Variants in ZNF280B observed in about 807,000 individuals in gnomAD.
ZNF280B encodes the protein zinc finger protein 280B, also known as suppressor of hairy wing homolog 2.
ZNF280B carries 16 observed loss-of-function variants against 38.0 expected under a neutral mutation model. That is an observed-to-expected ratio of 0.42 (90% CI 0.28 to 0.64). The LOEUF (loss-of-function observed/expected upper bound fraction) is 0.64. Ranked by LOEUF, ZNF280B falls within the 30% of genes least tolerant of loss-of-function variation. ZNF280B has a pLI of 0.21. For missense variants in ZNF280B, 581 were observed against 639.6 expected (o/e 0.91, Z 0.99); for synonymous variants, 253 against 230.6 (o/e 1.10, Z -0.88).
intron 2 of ZNF280B, among the ~76,000 whole-genome samples, chr22:22,504,597 A>C (rs2061896624): frequency 6.6e-6 from 1 of 151,982 alleles, no homozygotes; most frequent in Non-Finnish European, 1.5e-5. Flanking sequence ...AGAAATTGTT[A>C]ATCTACAGAA....
At chr22:22,499,809 A>G in intron 2 of ZNF280B, among the ~76,000 whole-genome samples, 1 of 151,884 alleles carries the variant, frequency 6.6e-6, no homozygotes, top group East Asian at 2.0e-4. Flanking sequence ...AACCACTTCA[A>G]CTCAACACCG....
intron 2 of ZNF280B, among the ~76,000 whole-genome samples, chr22:22,497,420 A>G (rs2146811292): frequency 6.6e-6 from 1 of 151,526 alleles, no homozygotes; most frequent in East Asian, 2.0e-4. Context: ...AATCCCAGCT[A>G]CTTGGTAGGC....
chr22:22,504,442 A>C (rs2061893695), intron 2 of ZNF280B, among the ~76,000 whole-genome samples: 1 of 150,974 alleles, frequency 6.6e-6, no homozygotes, highest in Admixed American at 6.6e-5. Flanking sequence ...AAAAAAAAAC[A>C]AACAAACAAC....
At chr22:22,502,303 C>T (rs778647142) in intron 2 of ZNF280B, among the ~76,000 whole-genome samples, 33 of 152,032 alleles carry the variant, frequency 2.2e-4, no homozygotes, top group South Asian at 6.2e-4. Context: ...CAATCTCAAG[C>T]GTTGCAGAGG....
chr22:22,500,758 C>G (rs1257637995), intron 2 of ZNF280B, among the ~76,000 whole-genome samples: 3 of 151,790 alleles, frequency 2.0e-5, no homozygotes, highest in African/African-American at 7.3e-5. Context: ...ACTTGGGAGG[C>G]TGAGGCAGGA....
At position 22,505,369 on chromosome 22, in the gene ZNF280B, C is replaced by T. The variant is rs555314553; in HGVS notation, c.-187+2441G>A. On this transcript the variant is annotated intron_variant, in intron 2 of 3. Transcript: ENST00000626650. ...TCACCTGAGGTCAGAAGTTCGAGAC[C>T]GGCCTGGCCAACATGGTGAAACCCC... Among the ~76,000 whole-genome samples, 5 of 151,864 alleles carry T rather than the reference C, an allele frequency of 3.3e-5. No individual in the cohort carries two copies. The East Asian group carries it at 5.9e-4, about 18-fold the overall frequency.
At position 22,499,791 on chromosome 22, in the gene ZNF280B, T is replaced by C. The variant is rs963563289; in HGVS notation, c.-186-5611A>G. On this transcript the variant is annotated intron_variant, in intron 2 of 3. Transcript: ENST00000626650. ...CCTAAGATCAGGAACAAGACAGATA[T>C]CCACTTTAACCACTTCAACTCAACA... 7.9e-5 allele frequency among the ~76,000 whole-genome samples: 12 copies of C among 152,062 alleles called. 1 individual carries two copies. The highest frequency in any genetic ancestry group is 2.7e-4 in the African/African-American group (11 of 41,500).
At chr22:22,493,487 CTTTAAGAA>C (rs1469196965) in intron 3 of ZNF280B, among the ~76,000 whole-genome samples, 1 of 151,968 alleles carries the variant, frequency 6.6e-6, no homozygotes, top group East Asian at 2.0e-4. Context: ...ACTGCTTAGT[CTTTAAGAA>C]TTAAAGTGTC....
At chr22:22,490,603 GA>G (rs763349830) in intron 3 of ZNF280B, among the ~76,000 whole-genome samples, 59 of 151,938 alleles carry the variant, frequency 3.9e-4, no homozygotes, top group Non-Finnish European at 7.5e-4. Context: ...GAGTAGCTGG[GA>G]CTACAGGCAT....
intron 1 of ZNF280B, among the ~76,000 whole-genome samples, 190 bp from the exon 2 acceptor site, chr22:22,508,060 G>A (rs1448901928): frequency 1.3e-5 from 2 of 151,788 alleles, no homozygotes; most frequent in African/African-American, 4.8e-5. Context: ...CGTCCCACCC[G>A]CCAACTGCCC....
intron 2 of ZNF280B, among the ~76,000 whole-genome samples, chr22:22,505,056 TACTC>T (rs2061906519): frequency 6.6e-6 from 1 of 151,876 alleles, no homozygotes; most frequent in Non-Finnish European, 1.5e-5. Context: ...GGCAGGTTGA[TACTC>T]ACATAACATG....
intron 2 of ZNF280B, among the ~76,000 whole-genome samples, chr22:22,507,123 G>A (rs1381706592): frequency 1.3e-5 from 2 of 152,002 alleles, no homozygotes; most frequent in East Asian, 3.9e-4. Flanking sequence ...AGGAACTGAG[G>A]CCTCTTGCCA....
At chr22:22,490,664 C>T (rs919743407) in intron 3 of ZNF280B, among the ~76,000 whole-genome samples, 1 of 151,768 alleles carries the variant, frequency 6.6e-6, no homozygotes, top group Non-Finnish European at 1.5e-5. Context: ...GATCGGGTTT[C>T]ACCATGTTGA....
intron 2 of ZNF280B, among the ~76,000 whole-genome samples, chr22:22,503,134 A>C (rs11913522): frequency 0.012 from 1,757 of 152,018 alleles, 36 homozygotes; most frequent in African/African-American, 0.038. Flanking sequence ...TGTGAAACTT[A>C]TTTTAGACTT....
chr22:22,486,969 T>A lies in ZNF280B; in HGVS notation c.*798A>T, dbSNP rs1169870507. 6.6e-6 allele frequency: 1 copy of A among 152,032 alleles called. No homozygotes were observed. The highest frequency in any genetic ancestry group is 2.1e-4 in the South Asian group (1 of 4,816). The allele number at this position is 152,032 out of a possible 1,614,324, so 9.4% of individuals were successfully genotyped here. On this transcript the variant is annotated 3_prime_UTR_variant, in exon 4 of 4. Transcript: ENST00000626650. ...TATGCCAGCACAGCAGAGGCACTTC[T>A]GGGAATTCGGCAGCAAGTGGGCCAG...
Position 22,489,089 on chromosome 22 carries a change from C to T in ZNF280B, c.310G>A (p.Ala104Thr). 1 of 1,613,840 alleles carries T rather than the reference C, an allele frequency of 6.2e-7. No individual in the cohort carries two copies. Among genetic ancestry groups the T allele is most frequent in the Non-Finnish European group, 8.5e-7 (1 of 1,179,956 alleles). The change falls in exon 4 of 4, where the codon GCT becomes ACT. Residue 104 changes from alanine to threonine, a missense_variant. By Grantham distance (58) the Ala-to-Thr change is moderately conservative (BLOSUM62 0). Coordinates refer to ENST00000626650, the MANE Select transcript of ZNF280B (RefSeq NM_080764.4). ...GTTGATCTCGATTCAAGTTGGGAAG[C>T]TGGCAGGACGGTCACTGCTTCTGAT... The part of the protein sequence containing the change: ...VTSEAVTVLP[A>T]SQLESRSTDS...
At chr22:22,505,371 G>A (rs1445862140) in intron 2 of ZNF280B, among the ~76,000 whole-genome samples, 1 of 151,744 alleles carries the variant, frequency 6.6e-6, no homozygotes, top group Admixed American at 6.6e-5. Context: ...TTCGAGACCG[G>A]CCTGGCCAAC....
chr22:22,497,175 T>C (rs1175132191), intron 2 of ZNF280B, among the ~76,000 whole-genome samples: 1 of 118,710 alleles, frequency 8.4e-6, no homozygotes, highest in Non-Finnish European at 1.6e-5. Flanking sequence ...TTCCTTCCCT[T>C]CCTCCTATGA....
At chr22:22,505,194 G>A (rs1274961678) in intron 2 of ZNF280B, among the ~76,000 whole-genome samples, 1 of 151,936 alleles carries the variant, frequency 6.6e-6, no homozygotes, top group Admixed American at 6.6e-5. Context: ...CCAATGAAAA[G>A]AGTGACAAGT....
Sources: gnomAD v4.1 joint callset for allele counts (sites outside exome capture counted in the v4.1 genomes callset) on GRCh38, gnomAD v4.1.1 for gene constraint, MANE v1.5 for transcripts, NCBI Gene and HGNC (gene_info 2026-07-23, HGNC 2026-07-21) for gene names.